OLFM2: variants seen among roughly 807,000 people sequenced by gnomAD.
The protein encoded by OLFM2 is olfactomedin 2.
In OLFM2, 20 loss-of-function variants were observed where a neutral mutation model predicts 43.9. That is an observed-to-expected ratio of 0.46 (90% CI 0.32 to 0.66). OLFM2 has a LOEUF of 0.66. Ranked by LOEUF, OLFM2 falls within the 30% of genes least tolerant of loss-of-function variation. The pLI, the probability that OLFM2 is intolerant of heterozygous loss-of-function variation, is 0.04. For missense variants in OLFM2, 416 were observed against 643.6 expected, an observed-to-expected ratio of 0.65 and a Z score of 3.83; for synonymous variants, 268 against 278.6, an observed-to-expected ratio of 0.96 and a Z score of 0.38.
chr19:9,870,705 G>C lies in OLFM2; in HGVS notation c.64-9911C>G, dbSNP rs972025485. Among the ~76,000 whole-genome samples, 5 of 152,048 alleles carry C rather than the reference G, an allele frequency of 3.3e-5. No homozygotes were observed. The East Asian group carries it at 9.7e-4, about 29-fold the overall frequency. On this transcript the variant is annotated intron_variant, in intron 1 of 5. Coordinates refer to ENST00000264833, the MANE Select transcript of OLFM2 (RefSeq NM_058164.4). ...CCAGGCTAACTCTTCCCCATCCCCGGGGCTCAAGCGTTCAGGTCTCTTCCA... is the reference window on the plus strand; with the variant it reads ...CCAGGCTAACTCTTCCCCATCCCCGCGGCTCAAGCGTTCAGGTCTCTTCCA...
intron 1 of OLFM2, among the ~76,000 whole-genome samples, chr19:9,890,525 C>A (rs1350716131): frequency 3.9e-5 from 6 of 152,230 alleles, no homozygotes; most frequent in African/African-American, 4.8e-5. Context: ...CAGTAGTCAA[C>A]AGAACTGTTG....
intron 1 of OLFM2, among the ~76,000 whole-genome samples, chr19:9,873,986 C>A (rs1490933130): frequency 1.3e-5 from 2 of 151,926 alleles, no homozygotes; most frequent in African/African-American, 4.8e-5. Flanking sequence ...TTTAGGTTTA[C>A]AGAAAAGTTA....
chr19:9,854,882 G>A lies in OLFM2; in HGVS notation c.688-19C>T, dbSNP rs1425629834. 1 of 1,539,058 alleles carries A rather than the reference G, an allele frequency of 6.5e-7. No individual in the cohort carries two copies. The highest frequency in any genetic ancestry group is 2.3e-5 in the East Asian group (1 of 42,878). ...ACCAGACCTATGGTAGCAGCCGCTG[G>A]TCACTGGGGGGAACCACCACCAACG... is the stretch of plus-strand genomic sequence containing the variant. On this transcript the variant is annotated intron_variant, in intron 5 of 5. Coordinates refer to ENST00000264833, the MANE Select transcript of OLFM2 (RefSeq NM_058164.4). This position sits in a 1 kb window ranked among gnomAD's most constrained non-coding sequence, Gnocchi z 9.5.
intron 1 of OLFM2, among the ~76,000 whole-genome samples, chr19:9,900,821 G>A (rs190652794): frequency 2.3e-3 from 349 of 150,124 alleles, no homozygotes; most frequent in African/African-American, 8.4e-3. Context: ...AGCCCAGGAG[G>A]TTGAGGCTGC....
At chr19:9,907,317 G>T (rs1447653221) in intron 1 of OLFM2, among the ~76,000 whole-genome samples, 1 of 152,006 alleles carries the variant, frequency 6.6e-6, no homozygotes, top group Admixed American at 6.6e-5. Flanking sequence ...TAGCTAGGCA[G>T]GGTGGCGCAC....
chr19:9,934,937 C>G (rs2086506622), intron 1 of OLFM2, among the ~76,000 whole-genome samples: 1 of 152,196 alleles, frequency 6.6e-6, no homozygotes, highest in South Asian at 2.1e-4. Flanking sequence ...TCTCCCCTGC[C>G]TATCTACCTA....
At chr19:9,922,271 GAT>G (rs375854374) in intron 1 of OLFM2, among the ~76,000 whole-genome samples, 2,838 of 76,012 alleles carry the variant, frequency 0.037, 94 homozygotes, top group African/African-American at 0.22. Flanking sequence ...GTAAAATCTA[GAT>G]ACACACACAC....
In OLFM2 at chr19:9,905,624, C is replaced by CA. The variant is rs55683294; in HGVS notation, c.63+30679dup. Reference sequence around the variant, plus strand: ...TGGGCGACAGAATGAGACTCCATCTCAAAAAAAAAAAAAAAAAAGTTGGAA... The same window carrying CA: ...TGGGCGACAGAATGAGACTCCATCTCAAAAAAAAAAAAAAAAAAAGTTGGAA... On this transcript the variant is annotated intron_variant, in intron 1 of 5. Transcript: ENST00000264833. Among the ~76,000 whole-genome samples the CA allele has an allele frequency of 9.1e-3, 690 of 75,566 alleles. 3 individuals carry two copies. Among genetic ancestry groups the CA allele is most frequent in the Middle Eastern group, 0.042 (5 of 120 alleles). 49.6% of individuals were successfully genotyped at this position (75,566 alleles called of 152,430 possible).
In OLFM2 at chr19:9,935,778, G is replaced by C. The variant is rs548704084; in HGVS notation, c.63+526C>G. On this transcript the variant is annotated intron_variant, in intron 1 of 5. Transcript: ENST00000264833. ...ACCGCCACACACACAAACTCCCCCC[G>C]GTCACACCCAACCACGACACAAAGA... is the stretch of plus-strand genomic sequence containing the variant. Among the ~76,000 whole-genome samples, 5 of 148,422 alleles carry C rather than the reference G, an allele frequency of 3.4e-5. No individual in the cohort carries two copies. The South Asian group carries it at 1.1e-3, about 32-fold the overall frequency.
intron 1 of OLFM2, among the ~76,000 whole-genome samples, chr19:9,914,741 A>T (rs969863637): frequency 3.2e-4 from 48 of 152,110 alleles, no homozygotes; most frequent in African/African-American, 1.1e-3. Flanking sequence ...CCCACGCATC[A>T]GCCGGCGGCG....
intron 1 of OLFM2, among the ~76,000 whole-genome samples, chr19:9,868,642 C>T (rs1462478152): frequency 6.6e-6 from 1 of 151,854 alleles, no homozygotes; most frequent in Non-Finnish European, 1.5e-5. Flanking sequence ...GTGTATTGTT[C>T]TTATAAAGAT....
At chr19:9,913,717 C>A in intron 1 of OLFM2, 1 of 1,010,414 alleles carries the variant, frequency 9.9e-7, no homozygotes. Flanking sequence ...CCCGGGGGGG[C>A]GTGGGGGAGG....
chr19:9,867,320 G>A (rs891083419), intron 1 of OLFM2, among the ~76,000 whole-genome samples: 2 of 152,104 alleles, frequency 1.3e-5, no homozygotes, highest in African/African-American at 2.4e-5. Context: ...GCAGTGAGCC[G>A]AGATCGTGCC....
At chr19:9,858,086 C>G (rs1193235267) in intron 2 of OLFM2, 1 of 603,780 alleles carries the variant, frequency 1.7e-6, no homozygotes, top group Non-Finnish European at 3.0e-6. Context: ...CCACCTACCA[C>G]CACCTCTCAC....
intron 1 of OLFM2, among the ~76,000 whole-genome samples, chr19:9,889,772 G>A (rs1026032586): frequency 6.6e-6 from 1 of 152,158 alleles, no homozygotes; most frequent in Admixed American, 6.6e-5. Context: ...TGCATCCACA[G>A]TGAAGCTGTG....
chr19:9,883,838 C>A (rs1289900409), intron 1 of OLFM2, among the ~76,000 whole-genome samples: 1 of 152,140 alleles, frequency 6.6e-6, no homozygotes, highest in African/African-American at 2.4e-5. Context: ...CACCTCCTAG[C>A]CATGACCTCA....
intron 1 of OLFM2, among the ~76,000 whole-genome samples, chr19:9,926,863 T>C (rs2086456563): frequency 6.6e-6 from 1 of 152,108 alleles, no homozygotes; most frequent in South Asian, 2.1e-4. Flanking sequence ...CACACGCCTG[T>C]GGTCCCAGTG....
intron 1 of OLFM2, among the ~76,000 whole-genome samples, chr19:9,863,837 C>T (rs1176278098): frequency 1.3e-5 from 2 of 151,920 alleles, no homozygotes; most frequent in African/African-American, 4.8e-5. Flanking sequence ...ATAAGGAAAA[C>T]AAACCATTCA....
chr19:9,884,514 T>C (rs1357172366), intron 1 of OLFM2, among the ~76,000 whole-genome samples: 1 of 151,752 alleles, frequency 6.6e-6, no homozygotes, highest in African/African-American at 2.4e-5. Context: ...GAGGTGGAGG[T>C]TGCACTGAGC....
Sources: allele counts gnomAD v4.1 joint callset (sites outside exome capture counted in the v4.1 genomes callset), GRCh38; gene constraint gnomAD v4.1.1; non-coding constraint Gnocchi (gnomAD v3.1); transcripts MANE v1.5; gene names NCBI Gene and HGNC (gene_info 2026-07-23, HGNC 2026-07-21).